ADGRL3: variants seen among roughly 807,000 people sequenced by gnomAD.
The protein encoded by ADGRL3 is calcium-independent alpha-latrotoxin receptor 3.
Under a neutral mutation model 153.5 loss-of-function variants are expected in ADGRL3, and 62 were observed. That is an observed-to-expected ratio of 0.40 (90% CI 0.33 to 0.50). ADGRL3 has a LOEUF of 0.50. ADGRL3 is among the 20% of genes least tolerant of loss of function. The pLI, the probability that ADGRL3 is intolerant of heterozygous loss-of-function variation, is 0.47. For synonymous variants in ADGRL3, 710 were observed against 672.5 expected (o/e 1.06, Z -0.86); for missense variants, 1,641 against 1,859.4 (o/e 0.88, Z 2.16).
intron 8 of ADGRL3, among the ~76,000 whole-genome samples, chr4:61,784,882 A>G (rs777968388): frequency 6.6e-6 from 1 of 152,148 alleles, no homozygotes; most frequent in Non-Finnish European, 1.5e-5. Flanking sequence ...CTTTCTAGTT[A>G]TATAACGTTG....
intron 4 of ADGRL3, among the ~76,000 whole-genome samples, chr4:61,528,139 T>C (rs1416830951): frequency 6.6e-6 from 1 of 152,186 alleles, no homozygotes; most frequent in Non-Finnish European, 1.5e-5. Flanking sequence ...TCCCTCATTT[T>C]TCAAATAGAA....
chr4:61,954,799 C>T (rs948377317), intron 17 of ADGRL3, among the ~76,000 whole-genome samples: 7 of 152,144 alleles, frequency 4.6e-5, no homozygotes, highest in African/African-American at 1.7e-4. Flanking sequence ...ATTACCTACT[C>T]AATGAGGCTT....
intron 8 of ADGRL3, among the ~76,000 whole-genome samples, chr4:61,797,073 A>G (rs2097424048): frequency 6.6e-6 from 1 of 152,118 alleles, no homozygotes; most frequent in Admixed American, 6.6e-5. Flanking sequence ...TACTTCTCCA[A>G]AGAACTGAAG....
chr4:61,477,810 C>T (rs2098083774), intron 2 of ADGRL3, among the ~76,000 whole-genome samples: 1 of 151,964 alleles, frequency 6.6e-6, no homozygotes, highest in African/African-American at 2.4e-5. Context: ...TATTTTGACA[C>T]TGTATATATA....
At chr4:61,920,677 TG>T (rs1003784922) in intron 13 of ADGRL3, among the ~76,000 whole-genome samples, 9 of 152,188 alleles carry the variant, frequency 5.9e-5, no homozygotes, top group African/African-American at 2.2e-4. Flanking sequence ...CTTTAGCACA[TG>T]GGTTTCCATC....
chr4:61,965,858 T>C (rs913854220), intron 17 of ADGRL3, among the ~76,000 whole-genome samples: 1 of 152,198 alleles, frequency 6.6e-6, no homozygotes, highest in Non-Finnish European at 1.5e-5. Context: ...CTGCGTATCA[T>C]TACAATGTAA....
chr4:61,616,007 G>A (rs566439472), intron 5 of ADGRL3, among the ~76,000 whole-genome samples: 14 of 152,090 alleles, frequency 9.2e-5, no homozygotes, highest in South Asian at 2.1e-4. Flanking sequence ...TGGCTATTTC[G>A]TTAGATTCAA....
At chr4:62,033,287 C>A (rs141697898) in intron 23 of ADGRL3, among the ~76,000 whole-genome samples, 5 of 151,616 alleles carry the variant, frequency 3.3e-5, no homozygotes, top group Non-Finnish European at 5.9e-5. Flanking sequence ...AGGGTTCTAT[C>A]GATGGTACCA....
chr4:61,956,494 C>G (rs995572669), intron 17 of ADGRL3, among the ~76,000 whole-genome samples: 1 of 152,076 alleles, frequency 6.6e-6, no homozygotes, highest in African/African-American at 2.4e-5. Flanking sequence ...GTCACCTGTT[C>G]ACACTGATGA....
intron 22 of ADGRL3, among the ~76,000 whole-genome samples, chr4:62,030,787 T>C (rs750428958): frequency 2.0e-5 from 3 of 151,416 alleles, no homozygotes; most frequent in Non-Finnish European, 3.0e-5. Context: ...CAGCATACCA[T>C]AGAAGTGAGT....
At chr4:61,857,275 A>T (rs1172793007) in intron 9 of ADGRL3, among the ~76,000 whole-genome samples, 1 of 151,842 alleles carries the variant, frequency 6.6e-6, no homozygotes, top group Non-Finnish European at 1.5e-5. Context: ...TATCTACAGG[A>T]GAAAAGGTTC....
intron 5 of ADGRL3, among the ~76,000 whole-genome samples, chr4:61,655,065 T>C (rs936880200): frequency 2.6e-5 from 4 of 152,168 alleles, no homozygotes; most frequent in Admixed American, 6.5e-5. Flanking sequence ...GTGTGACTCT[T>C]ACTATCAGCT....
chr4:61,322,288 T>C (rs993800085), intron 1 of ADGRL3, among the ~76,000 whole-genome samples: 2 of 152,198 alleles, frequency 1.3e-5, no homozygotes, highest in African/African-American at 2.4e-5. Context: ...TCATGGGAGA[T>C]ACAAGATGAG....
chr4:61,340,845 T>TATAA (rs567511800), intron 1 of ADGRL3, among the ~76,000 whole-genome samples: 21 of 151,256 alleles, frequency 1.4e-4, no homozygotes, highest in African/African-American at 5.1e-4. Flanking sequence ...TATATATATA[T>TATAA]AAAATATTAT....
In ADGRL3 at chr4:61,927,365, T is replaced by TA. The variant is rs563648245; in HGVS notation, c.2113-7464dup. Among the ~76,000 whole-genome samples, 96 of 150,558 alleles carry TA rather than the reference T, an allele frequency of 6.4e-4. 1 individual carries two copies. The highest frequency in any genetic ancestry group is 2.3e-3 in the South Asian group (11 of 4,768). On this transcript the variant is annotated intron_variant, in intron 13 of 26. Transcript: ENST00000683033. Reference sequence around the variant, plus strand: ...TTTGCAAAAAGACAATGCTTTTTTTTAAAAAAAAAAATAAGAGGTCTCTTA... The same window carrying TA: ...TTTGCAAAAAGACAATGCTTTTTTTTAAAAAAAAAAAATAAGAGGTCTCTTA...
chr4:61,495,321 C>T (rs2098301460), intron 2 of ADGRL3, among the ~76,000 whole-genome samples: 1 of 151,966 alleles, frequency 6.6e-6, no homozygotes, highest in African/African-American at 2.4e-5. Context: ...ATACATTCAT[C>T]AGTAAACAAT....
intron 21 of ADGRL3, among the ~76,000 whole-genome samples, chr4:62,005,302 A>G (rs975590223): frequency 2.0e-5 from 3 of 152,154 alleles, no homozygotes; most frequent in African/African-American, 7.2e-5. Context: ...TAAATTTCCC[A>G]TATGATCTTT....
intron 9 of ADGRL3, among the ~76,000 whole-genome samples, chr4:61,868,162 G>C (rs551139619): frequency 2.0e-4 from 30 of 151,964 alleles, no homozygotes; most frequent in Admixed American, 5.9e-4. Context: ...TATGTCTTTG[G>C]TTCTTAAATA....
At chr4:61,473,315 A>T (rs1316226646) in intron 2 of ADGRL3, among the ~76,000 whole-genome samples, 1 of 151,990 alleles carries the variant, frequency 6.6e-6, no homozygotes, top group Non-Finnish European at 1.5e-5. Flanking sequence ...TTTTAAAAAA[A>T]GCCCTCGTGT....
Sources: allele counts gnomAD v4.1 joint callset (sites outside exome capture counted in the v4.1 genomes callset), GRCh38; gene constraint gnomAD v4.1.1; transcripts MANE v1.5; gene names NCBI Gene and HGNC (gene_info 2026-07-23, HGNC 2026-07-21).